Variants in RBFOX1 observed in about 807,000 individuals in gnomAD.
RBFOX1 encodes RNA binding protein fox-1 homolog 1.
Under a neutral mutation model 57.7 loss-of-function variants are expected in RBFOX1, and 8 were observed. That is an observed-to-expected ratio of 0.14 (90% CI 0.08 to 0.25). The LOEUF (loss-of-function observed/expected upper bound fraction) is 0.25, where lower values mean the gene tolerates loss of function less well. Ranked by LOEUF, RBFOX1 falls within the 10% of genes least tolerant of loss-of-function variation. The pLI is 1.00. For synonymous variants in RBFOX1, 326 were observed against 222.4 expected, an observed-to-expected ratio of 1.47 and a Z score of -4.15; for missense variants, 611 against 548.5, an observed-to-expected ratio of 1.11 and a Z score of -1.14.
chr16:6,569,654 A>T (rs758001614), intron 2 of RBFOX1, among the ~76,000 whole-genome samples: 2 of 152,192 alleles, frequency 1.3e-5, no homozygotes, highest in African/African-American at 2.4e-5. Context: ...CTTTCTGTCC[A>T]TGGGTGGTTT....
intron 1 of RBFOX1, among the ~76,000 whole-genome samples, chr16:5,276,433 A>G (rs1269883351): frequency 6.6e-6 from 1 of 152,256 alleles, no homozygotes; most frequent in East Asian, 1.9e-4. Flanking sequence ...AATGCTCAAC[A>G]TCACTAATTA....
intron 2 of RBFOX1, among the ~76,000 whole-genome samples, chr16:5,506,992 C>A (rs1413676849): frequency 1.3e-5 from 2 of 152,138 alleles, no homozygotes; most frequent in Non-Finnish European, 2.9e-5. Context: ...AAAGCCTATT[C>A]TGTTCTCTAC....
At chr16:7,079,816 C>G (rs1024734822) in intron 4 of RBFOX1, among the ~76,000 whole-genome samples, 2 of 151,336 alleles carry the variant, frequency 1.3e-5, no homozygotes, top group Non-Finnish European at 2.9e-5. Context: ...TGCTTTAACC[C>G]CATGGTTGCT....
chr16:7,033,783 C>T (rs1038056117), intron 3 of RBFOX1, among the ~76,000 whole-genome samples: 2 of 152,128 alleles, frequency 1.3e-5, no homozygotes, highest in African/African-American at 4.8e-5. Context: ...GCCTGAGTAA[C>T]ATAGCAAAAC....
At chr16:6,059,242 T>C (rs2095654150) in intron 1 of RBFOX1, 1 of 152,124 alleles carries the variant, frequency 6.6e-6, no homozygotes, top group Non-Finnish European at 1.5e-5. Context: ...TGAAGGAAGA[T>C]CAAAACAAAA....
intron 3 of RBFOX1, among the ~76,000 whole-genome samples, chr16:5,664,804 G>C (rs2049777397): frequency 6.6e-6 from 1 of 152,134 alleles, no homozygotes; most frequent in East Asian, 1.9e-4. Context: ...GCTGCTCCTA[G>C]TTTAAAATCC....
chr16:7,688,264 A>AGG (rs2076542776), intron 14 of RBFOX1, among the ~76,000 whole-genome samples: 2 of 137,856 alleles, frequency 1.5e-5, no homozygotes, highest in African/African-American at 5.7e-5. Context: ...TGTGTGTGAG[A>AGG]GAGAGAGAGA....
intron 1 of RBFOX1, among the ~76,000 whole-genome samples, chr16:6,096,333 C>G (rs1448535104): frequency 1.3e-5 from 2 of 152,086 alleles, no homozygotes. Context: ...GAAAATCGTT[C>G]CCCAGATGCA....
intron 4 of RBFOX1, among the ~76,000 whole-genome samples, chr16:7,132,552 A>T (rs1485056044): frequency 6.6e-6 from 1 of 151,738 alleles, no homozygotes; most frequent in Non-Finnish European, 1.5e-5. Flanking sequence ...TGCCTTGCAT[A>T]ATGGTGAGAG....
chr16:6,985,190 A>G (rs190868668), intron 3 of RBFOX1, among the ~76,000 whole-genome samples: 2 of 139,740 alleles, frequency 1.4e-5, no homozygotes, highest in East Asian at 2.3e-4. Context: ...ATGTGATCAC[A>G]TTCTATTTTA....
At chr16:5,460,894 T>C (rs1049389353) in intron 1 of RBFOX1, among the ~76,000 whole-genome samples, 14 of 152,148 alleles carry the variant, frequency 9.2e-5, no homozygotes, top group African/African-American at 3.4e-4. Context: ...CATCGCGTAG[T>C]AGCGATTACA....
chr16:6,285,802 G>C (rs1225776628), intron 1 of RBFOX1, among the ~76,000 whole-genome samples: 1 of 152,126 alleles, frequency 6.6e-6, no homozygotes, highest in Non-Finnish European at 1.5e-5. Flanking sequence ...GACTGCTCTA[G>C]TTGCAGTGGA....
At chr16:6,701,325 G>C (rs1022247016) in intron 3 of RBFOX1, among the ~76,000 whole-genome samples, 2 of 152,232 alleles carry the variant, frequency 1.3e-5, no homozygotes, top group Non-Finnish European at 2.9e-5. Context: ...ACCCCCTGCA[G>C]CTGGGTACGG....
chr16:7,074,355 T>C (rs1185704221), intron 4 of RBFOX1, among the ~76,000 whole-genome samples: 1 of 152,200 alleles, frequency 6.6e-6, no homozygotes, highest in East Asian at 1.9e-4. Flanking sequence ...CAAAAGTAAT[T>C]ACGGCTTTTG....
At chr16:7,668,107 T>C (rs186588905) in intron 13 of RBFOX1, among the ~76,000 whole-genome samples, 1 of 152,256 alleles carries the variant, frequency 6.6e-6, no homozygotes, top group Admixed American at 6.5e-5. Flanking sequence ...TCAGAGCAGG[T>C]CAACAACTCA....
chr16:6,740,216 A>G (rs1212077852), intron 3 of RBFOX1, among the ~76,000 whole-genome samples: 2 of 152,186 alleles, frequency 1.3e-5, no homozygotes, highest in Non-Finnish European at 2.9e-5. Context: ...AAATTGATAC[A>G]CAACCAGAAG....
chr16:7,330,731 T>C (rs1217802885), intron 4 of RBFOX1, among the ~76,000 whole-genome samples: 1 of 151,972 alleles, frequency 6.6e-6, no homozygotes, highest in African/African-American at 2.4e-5. Flanking sequence ...TTAAGTCTCC[T>C]GCCTTCTGGT....
chr16:6,679,655 T>C (rs894169118), intron 3 of RBFOX1, among the ~76,000 whole-genome samples: 4 of 152,184 alleles, frequency 2.6e-5, no homozygotes, highest in Non-Finnish European at 5.9e-5. Context: ...CTCAAAACTT[T>C]AAAACACCTG....
At position 7,124,864 on chromosome 16, in the gene RBFOX1, T is replaced by C. The variant is rs2068090606; in HGVS notation, c.27+72766T>C. On this transcript the variant is annotated intron_variant, in intron 4 of 15. Coordinates refer to ENST00000550418, the MANE Select transcript of RBFOX1 (RefSeq NM_018723.4). The stretch of plus-strand genomic sequence containing the variant: ...CTCTGATTCATAAATTACTAAAGTG[T>C]ATTCCTGACAAATAAATATTTCACC... Among the ~76,000 whole-genome samples the C allele has an allele frequency of 2.0e-5, 3 of 152,176 alleles. No individual in the cohort carries two copies. The South Asian group carries it at 6.2e-4, about 32-fold the overall frequency.
Sources: gnomAD v4.1 joint callset for allele counts (sites outside exome capture counted in the v4.1 genomes callset) on GRCh38, gnomAD v4.1.1 for gene constraint, MANE v1.5 for transcripts, NCBI Gene and HGNC (gene_info 2026-07-23, HGNC 2026-07-21) for gene names.